NIPAL2: variants seen among roughly 807,000 people sequenced by gnomAD.
The protein encoded by NIPAL2 is NIPA like domain containing 2.
NIPAL2 carries 43 observed loss-of-function variants against 48.9 expected under a neutral mutation model. The ratio of observed to expected loss-of-function variants is 0.88; its 90% CI spans 0.69 to 1.13. NIPAL2 has a LOEUF of 1.13. NIPAL2 is among the 50% of genes most tolerant of loss of function. The pLI is 0.00. For missense variants in NIPAL2, 446 were observed against 461.4 expected (o/e 0.97, Z 0.31); for synonymous variants, 167 against 174.6 (o/e 0.96, Z 0.34).
rs1246336803 is a variant in NIPAL2 at position 98,294,104 on chromosome 8, A to C, written c.34T>G (p.Ser12Ala). The C allele has an allele frequency of 3.4e-6, 5 of 1,487,042 alleles. No individual in the cohort carries two copies. Among genetic ancestry groups the C allele is most frequent in the Non-Finnish European group, 4.5e-6 (5 of 1,118,898 alleles). The allele number at this position is 1,487,042 out of a possible 1,614,324, so 92.1% of individuals were successfully genotyped here. ...AAVAPAGPGD[S>A]ASAALDELSL... ...AGCTCGTCCAGGGCGGCCGAGGCGG[A>C]GTCCCCGGGGCCCGCGGGCGCCACC... The change falls in exon 1 of 11, where the codon TCC becomes GCC. Residue 12 changes from serine (S) to alanine (A), a missense_variant. Transcript: ENST00000430223.
chr8:98,254,067 C>A lies in NIPAL2; in HGVS notation c.156G>T (p.Leu52Phe), dbSNP rs1382156613. Residue 52 changes from leucine (L) to phenylalanine (F), a missense_variant, in exon 2 of 11, where the codon TTG becomes TTT. By Grantham distance (22) the Leu-to-Phe change is conservative (BLOSUM62 0). Coordinates refer to ENST00000430223, the MANE Select transcript of NIPAL2 (RefSeq NM_001321635.2). ...RRNQIHLFGVLLAILGNLVIS... is the reference protein window; with the variant it reads ...RRNQIHLFGVFLAILGNLVIS... ...TCACCAAGTTTCCTAAAATAGCCAG[C>A]AAAACTCCAAAAAGGTGAATCTGTA... The A allele has an allele frequency of 6.2e-7, 1 of 1,610,130 alleles. No homozygotes were observed. Among genetic ancestry groups the A allele is most frequent in the Non-Finnish European group, 8.5e-7 (1 of 1,177,964 alleles).
chr8:98,252,266 A>C, intron 3 of NIPAL2, 197 bp downstream of exon 3: 1 of 535,344 alleles, frequency 1.9e-6, no homozygotes, highest in African/African-American at 1.9e-5. Context: ...GAGTCACAAA[A>C]TGCAAGTTTC....
At chr8:98,264,945 G>C (rs1163479441) in intron 1 of NIPAL2, among the ~76,000 whole-genome samples, 1 of 148,950 alleles carries the variant, frequency 6.7e-6, no homozygotes, top group Non-Finnish European at 1.5e-5. Flanking sequence ...ATAGATCAAT[G>C]GAACAGAACA....
At chr8:98,257,384 T>C (rs971779751) in intron 1 of NIPAL2, among the ~76,000 whole-genome samples, 31 of 150,890 alleles carry the variant, frequency 2.1e-4, no homozygotes, top group Non-Finnish European at 3.1e-4. Flanking sequence ...AGTCTCGCTC[T>C]GTCACCAGGC....
intron 7 of NIPAL2, among the ~76,000 whole-genome samples, chr8:98,203,947 C>T (rs1327411649): frequency 6.6e-6 from 1 of 151,688 alleles, no homozygotes; most frequent in African/African-American, 2.4e-5. Flanking sequence ...CATATACGTA[C>T]AAAAGCCAGG....
chr8:98,261,050 G>C (rs1206341598), intron 1 of NIPAL2, among the ~76,000 whole-genome samples: 3 of 151,984 alleles, frequency 2.0e-5, no homozygotes, highest in Non-Finnish European at 4.4e-5. Flanking sequence ...TATTCCAACA[G>C]ACCTGCAGCT....
chr8:98,226,893 G>C (rs893600512), intron 4 of NIPAL2, among the ~76,000 whole-genome samples: 1 of 152,162 alleles, frequency 6.6e-6, no homozygotes, highest in African/African-American at 2.4e-5. Context: ...CAGAGATGCT[G>C]TCCAGGAGCC....
At chr8:98,208,298 C>T (rs967289040) in intron 6 of NIPAL2, among the ~76,000 whole-genome samples, 5 of 152,154 alleles carry the variant, frequency 3.3e-5, no homozygotes, top group African/African-American at 9.7e-5. Context: ...CAATATACCT[C>T]CTTTCAAAAA....
At chr8:98,244,202 C>CAA (rs56131567) in intron 3 of NIPAL2, among the ~76,000 whole-genome samples, 36 of 104,412 alleles carry the variant, frequency 3.4e-4, no homozygotes, top group African/African-American at 5.3e-4. Flanking sequence ...CCTCTGAAGA[C>CAA]AAAAAAAAAA....
intron 3 of NIPAL2, 106 bp downstream of exon 3, chr8:98,252,357 A>T (rs1813633738): frequency 5.6e-6 from 6 of 1,074,520 alleles, no homozygotes; most frequent in Non-Finnish European, 7.8e-6. Context: ...ATAAGAAACC[A>T]GGCAATAGAC....
At chr8:98,220,539 G>T (rs1290432424) in intron 5 of NIPAL2, among the ~76,000 whole-genome samples, 1 of 151,690 alleles carries the variant, frequency 6.6e-6, no homozygotes, top group African/African-American at 2.4e-5. Flanking sequence ...CTCCCAAGTA[G>T]CTGGGACTGC....
Position 98,204,578 on chromosome 8 carries a change from A to G in NIPAL2, c.791+533T>C, listed in dbSNP as rs550282402. On this transcript the variant is annotated intron_variant, in intron 7 of 10. Transcript: ENST00000430223. ...TTCCATGTCACCACTATTAGGCCTC[A>G]AGAGAAACATAAAACAATCATTCCG... Among the ~76,000 whole-genome samples the G allele has an allele frequency of 4.6e-5, 7 of 152,226 alleles. No individual in the cohort carries two copies. The South Asian group carries it at 1.5e-3, about 32-fold the overall frequency.
chr8:98,252,858 G>A (rs1017266368), intron 2 of NIPAL2, among the ~76,000 whole-genome samples: 5 of 151,848 alleles, frequency 3.3e-5, no homozygotes, highest in African/African-American at 1.2e-4. Flanking sequence ...CCCGATCCAC[G>A]GATTCATTTT....
At chr8:98,268,372 G>A (rs1814903760) in intron 1 of NIPAL2, among the ~76,000 whole-genome samples, 1 of 152,088 alleles carries the variant, frequency 6.6e-6, no homozygotes, top group Non-Finnish European at 1.5e-5. Flanking sequence ...TGTCATCCCG[G>A]CATTTTGGGA....
chr8:98,203,299 G>C, intron 7 of NIPAL2, 103 bp from the exon 8 acceptor site: 1 of 826,172 alleles, frequency 1.2e-6, no homozygotes, highest in Admixed American at 1.9e-5. Flanking sequence ...CAACTACAAA[G>C]GGAAAGGAGG....
chr8:98,204,990 C>T (rs1231865784), intron 7 of NIPAL2, 121 bp downstream of exon 7: 2 of 1,053,800 alleles, frequency 1.9e-6, no homozygotes, highest in South Asian at 1.3e-5. Context: ...AAGCTACAGG[C>T]CCTTCACCCT....
At chr8:98,262,485 T>C (rs1332782702) in intron 1 of NIPAL2, among the ~76,000 whole-genome samples, 45 of 151,966 alleles carry the variant, frequency 3.0e-4, no homozygotes, top group Admixed American at 1.3e-4. Context: ...AATCCTAGTC[T>C]CTGATAAAAC....
intron 4 of NIPAL2, among the ~76,000 whole-genome samples, chr8:98,230,253 T>G (rs1354112225): frequency 6.6e-6 from 1 of 152,128 alleles, no homozygotes; most frequent in East Asian, 1.9e-4. Flanking sequence ...GCATCCTCAT[T>G]GGGGATTAAA....
chr8:98,209,514 A>G (rs1316860332), intron 6 of NIPAL2, among the ~76,000 whole-genome samples: 14 of 150,282 alleles, frequency 9.3e-5, no homozygotes, highest in African/African-American at 3.4e-4. Flanking sequence ...GCTACTCAGG[A>G]GGCTGAGGTA....
Sources: gnomAD v4.1 joint callset for allele counts (sites outside exome capture counted in the v4.1 genomes callset) on GRCh38, gnomAD v4.1.1 for gene constraint, MANE v1.5 for transcripts, NCBI Gene and HGNC (gene_info 2026-07-23, HGNC 2026-07-21) for gene names.